KDM4C: variants seen among roughly 807,000 people sequenced by gnomAD.
The protein encoded by KDM4C is lysine-specific demethylase 4C.
Under a neutral mutation model 129.3 loss-of-function variants are expected in KDM4C, and 81 were observed. The observed-to-expected ratio is 0.63, with a 90% confidence interval of 0.52 to 0.75. The LOEUF is 0.75. Ranked by LOEUF, KDM4C falls within the 30% of genes least tolerant of loss-of-function variation. KDM4C has a pLI of 0.00. For missense variants in KDM4C, 1,457 were observed against 1,304.0 expected (o/e 1.12, Z -1.81); for synonymous variants, 573 against 456.1 (o/e 1.26, Z -3.26).
At chr9:6,910,695 C>T (rs1819139413) in intron 8 of KDM4C, among the ~76,000 whole-genome samples, 1 of 152,144 alleles carries the variant, frequency 6.6e-6, no homozygotes, top group South Asian at 2.1e-4. Context: ...GCCCTGTGAC[C>T]CTGCATCCAC....
At chr9:6,776,563 A>T (rs938177671) in intron 1 of KDM4C, among the ~76,000 whole-genome samples, 3 of 145,290 alleles carry the variant, frequency 2.1e-5, no homozygotes, top group African/African-American at 7.7e-5. Flanking sequence ...CTTTGGCTCA[A>T]GTCCCATTTA....
At chr9:6,795,416 C>T (rs1827543028) in intron 2 of KDM4C, among the ~76,000 whole-genome samples, 1 of 152,252 alleles carries the variant, frequency 6.6e-6, no homozygotes, top group African/African-American at 2.4e-5. Flanking sequence ...ACTGCAACCT[C>T]TGCCTCCTGG....
At position 7,009,514 on chromosome 9, in the gene KDM4C, A is replaced by T. The variant is rs118178274; in HGVS notation, c.1787-2184A>T. Among the ~76,000 whole-genome samples, 187 of 152,198 alleles carry T rather than the reference A, an allele frequency of 1.2e-3. 8 individuals are homozygous for T. The East Asian group carries it at 0.032, about 26-fold the overall frequency. On this transcript the variant is annotated intron_variant, in intron 12 of 21. Coordinates refer to ENST00000381309, the MANE Select transcript of KDM4C (RefSeq NM_015061.6). ...CTTTTTTCCCCCCATCAAAGGTGTT[A>T]TTAAGAGAAACTGCCTTTTTGTTAC... is the stretch of plus-strand genomic sequence containing the variant.
At chr9:6,922,646 C>A (rs886650002) in intron 8 of KDM4C, among the ~76,000 whole-genome samples, 1 of 152,246 alleles carries the variant, frequency 6.6e-6, no homozygotes, top group Non-Finnish European at 1.5e-5. Flanking sequence ...ACCTGGGAGA[C>A]TGAGGTGGGA....
At chr9:6,986,795 A>T (rs769222590) in intron 11 of KDM4C, 129 bp downstream of exon 11, 8 of 657,462 alleles carry the variant, frequency 1.2e-5, no homozygotes, top group African/African-American at 1.8e-5. Flanking sequence ...ATGGGTCTTA[A>T]TCATATTCAT....
At chr9:7,076,110 G>A (rs1204019939) in intron 17 of KDM4C, among the ~76,000 whole-genome samples, 1 of 151,918 alleles carries the variant, frequency 6.6e-6, no homozygotes, top group East Asian at 1.9e-4. Flanking sequence ...TATATATTTG[G>A]TATTTCAGTC....
At chr9:6,730,457 T>C (rs1373781454) in intron 1 of KDM4C, among the ~76,000 whole-genome samples, 1 of 151,422 alleles carries the variant, frequency 6.6e-6, no homozygotes, top group East Asian at 1.9e-4. Context: ...CTACTAAAAA[T>C]ACAAAAAATT....
chr9:6,942,842 G>A (rs1421212297), intron 8 of KDM4C, among the ~76,000 whole-genome samples: 1 of 152,088 alleles, frequency 6.6e-6, no homozygotes, highest in Non-Finnish European at 1.5e-5. Flanking sequence ...CTTAAATGCT[G>A]AGCAGTGGTT....
intron 1 of KDM4C, among the ~76,000 whole-genome samples, chr9:6,783,310 T>G (rs1358300416): frequency 6.6e-6 from 1 of 152,230 alleles, no homozygotes; most frequent in Admixed American, 6.5e-5. Flanking sequence ...ATGGATTGAA[T>G]GAATAAGGAC....
intron 8 of KDM4C, among the ~76,000 whole-genome samples, chr9:6,937,645 C>T (rs1408879166): frequency 6.6e-6 from 1 of 152,120 alleles, no homozygotes; most frequent in Non-Finnish European, 1.5e-5. Context: ...CATAATAGAA[C>T]ATTGCTTCCT....
chr9:7,116,791 G>A lies in KDM4C; in HGVS notation c.2611-11275G>A, dbSNP rs74832801. Among the ~76,000 whole-genome samples, 1,117 of 152,244 alleles carry A rather than the reference G, an allele frequency of 7.3e-3. 20 individuals carry two copies. The highest frequency in any genetic ancestry group is 0.026 in the African/African-American group (1,071 of 41,536). ...TCTCCTGAAGTCCAGAGAAACCTAG[G>A]AAGTTTGTGTTTTCTCTTTCTCTGT... is the stretch of plus-strand genomic sequence containing the variant. On this transcript the variant is annotated intron_variant, in intron 18 of 21. Coordinates refer to ENST00000381309, the MANE Select transcript of KDM4C (RefSeq NM_015061.6).
chr9:6,826,832 A>T (rs971650838), intron 4 of KDM4C, among the ~76,000 whole-genome samples: 1 of 151,292 alleles, frequency 6.6e-6, no homozygotes, highest in Non-Finnish European at 1.5e-5. Context: ...GCGCCACTGC[A>T]CTCCAGCCTG....
At chr9:6,766,768 A>AT (rs202219046) in intron 1 of KDM4C, among the ~76,000 whole-genome samples, 2,093 of 144,540 alleles carry the variant, frequency 0.014, 62 homozygotes, top group African/African-American at 0.049. Context: ...GCTGAACAGG[A>AT]TTTTTTTTTT....
intron 19 of KDM4C, among the ~76,000 whole-genome samples, chr9:7,144,627 G>A (rs542706340): frequency 5.3e-4 from 80 of 152,312 alleles, no homozygotes; most frequent in African/African-American, 1.9e-3. Context: ...GTGGCCCCTG[G>A]CCCCACCATT....
intron 17 of KDM4C, among the ~76,000 whole-genome samples, chr9:7,060,175 C>T (rs1366137822): frequency 1.3e-5 from 2 of 150,714 alleles, no homozygotes; most frequent in African/African-American, 4.9e-5. Context: ...AGGCACATGG[C>T]CTTTGCTTTC....
At position 7,133,768 on chromosome 9, in the gene KDM4C, C is replaced by T. The variant is rs961630131; in HGVS notation, c.2781+5532C>T. 1.1e-4 allele frequency among the ~76,000 whole-genome samples: 17 copies of T among 152,306 alleles called. No homozygotes were observed. The South Asian group carries it at 2.1e-3, about 19-fold the overall frequency. The stretch of plus-strand genomic sequence containing the variant: ...CCCGCACAAGCCCTCGCTTGGCAAG[C>T]ATAGGTGTAGGAGAGATCTGGGTAT... On this transcript the variant is annotated intron_variant, in intron 19 of 21. Coordinates refer to ENST00000381309, the MANE Select transcript of KDM4C (RefSeq NM_015061.6).
At chr9:7,067,737 C>T (rs751077671) in intron 17 of KDM4C, among the ~76,000 whole-genome samples, 12 of 152,016 alleles carry the variant, frequency 7.9e-5, no homozygotes, top group Non-Finnish European at 1.6e-4. Flanking sequence ...AAATGAAAGT[C>T]GTCTTTAGCT....
chr9:6,787,471 C>G lies in KDM4C; in HGVS notation c.-17-5501C>G, dbSNP rs118069663. ...TGGTCTCAAATTCCTGACCTCAGGT[C>G]ATCTGCCTGCCTAGGCCTCCCAAGG... On this transcript the variant is annotated intron_variant, in intron 1 of 21. Transcript: ENST00000381309. 4.2e-3 allele frequency among the ~76,000 whole-genome samples: 641 copies of G among 152,312 alleles called. 8 individuals carry two copies. The East Asian group carries it at 0.048, about 12-fold the overall frequency.
intron 8 of KDM4C, among the ~76,000 whole-genome samples, chr9:6,921,435 G>T (rs1406698877): frequency 2.6e-5 from 4 of 152,080 alleles, no homozygotes; most frequent in African/African-American, 9.7e-5. Flanking sequence ...AGTTGCTCAG[G>T]CCAAACACTC....
Sources: gnomAD v4.1 joint callset for allele counts (sites outside exome capture counted in the v4.1 genomes callset) on GRCh38, gnomAD v4.1.1 for gene constraint, MANE v1.5 for transcripts, NCBI Gene and HGNC (gene_info 2026-07-23, HGNC 2026-07-21) for gene names.